The following SEM1 variants were observed in gnomAD, a reference collection of about 807,000 sequenced individuals.
SEM1 encodes SEM1 26S proteasome subunit.
Under a neutral mutation model 12.7 loss-of-function variants are expected in SEM1, and 3 were observed. The ratio of observed to expected loss-of-function variants is 0.24; its 90% CI spans 0.11 to 0.61. The LOEUF (loss-of-function observed/expected upper bound fraction) is 0.61. Ranked by LOEUF, SEM1 falls within the 20% of genes least tolerant of loss-of-function variation. SEM1 has a pLI of 0.88. For synonymous variants in SEM1, 30 were observed against 27.8 expected (o/e 1.08, Z -0.25); for missense variants, 59 against 81.3 (o/e 0.73, Z 1.06).
At chr7:96,585,172 A>G (rs1019186498) in intron 2 of SEM1, among the ~76,000 whole-genome samples, 1 of 152,032 alleles carries the variant, frequency 6.6e-6, no homozygotes, top group Non-Finnish European at 1.5e-5. Flanking sequence ...TCTGTTTGTT[A>G]GTTTTCCTTC....
chr7:96,604,678 G>T (rs1230890705), intron 2 of SEM1, among the ~76,000 whole-genome samples: 1 of 152,008 alleles, frequency 6.6e-6, no homozygotes, highest in East Asian at 1.9e-4. Flanking sequence ...CAGCACTTTT[G>T]GAGGCTGAGG....
At chr7:96,547,998 G>T (rs749139261) in intron 2 of SEM1, among the ~76,000 whole-genome samples, 27 of 151,900 alleles carry the variant, frequency 1.8e-4, no homozygotes, top group Non-Finnish European at 2.8e-4. Flanking sequence ...GAGATGGGGA[G>T]GTACACTGGG....
chr7:96,509,718 C>T (rs187442080), intron 2 of SEM1, among the ~76,000 whole-genome samples: 8 of 152,190 alleles, frequency 5.3e-5, no homozygotes, highest in African/African-American at 7.2e-5. Flanking sequence ...AGCCTTAAAA[C>T]GGAAGAAAAT....
intron 1 of SEM1, among the ~76,000 whole-genome samples, chr7:96,702,946 T>A (rs912835556): frequency 2.6e-5 from 4 of 152,100 alleles, no homozygotes; most frequent in South Asian, 4.1e-4. Flanking sequence ...ATCATTAAAG[T>A]TAAAGACAAA....
At chr7:96,679,723 C>T (rs1475935561) in intron 2 of SEM1, among the ~76,000 whole-genome samples, 1 of 152,118 alleles carries the variant, frequency 6.6e-6, no homozygotes, top group Non-Finnish European at 1.5e-5. Context: ...TTGTGACTCA[C>T]AATCAAGAAG....
At position 96,673,904 on chromosome 7, in the gene SEM1, A is replaced by G. The variant is rs188206039; in HGVS notation, c.171-45T>C. ...TAAGCAAACTTTTAAGTATCAAGCCACTGTGATCTGTGGGCTGCTTGACCA... is the reference window on the plus strand; with the variant it reads ...TAAGCAAACTTTTAAGTATCAAGCCGCTGTGATCTGTGGGCTGCTTGACCA... On this transcript the variant is annotated intron_variant, in intron 2 of 2. Transcript: ENST00000413065. 342 of 757,452 alleles carry G rather than the reference A, an allele frequency of 4.5e-4. 1 individual carries two copies. The African/African-American group carries it at 5.6e-3, about 12-fold the overall frequency. 46.9% of individuals were successfully genotyped at this position (757,452 alleles called of 1,614,324 possible). A position where few individuals can be genotyped will look rare whatever the true frequency, so the allele number is the denominator to read the frequency against.
intron 2 of SEM1, among the ~76,000 whole-genome samples, chr7:96,541,246 G>A (rs931418244): frequency 1.6e-4 from 24 of 151,954 alleles, no homozygotes; most frequent in African/African-American, 5.8e-4. Context: ...AGCCTCGCCA[G>A]CATCTGCTGT....
chr7:96,614,015 A>C (rs1524919), intron 2 of SEM1, among the ~76,000 whole-genome samples: 51,940 of 152,068 alleles, frequency 0.34, 9,138 homozygotes, highest in African/African-American at 0.44. Context: ...CATGGGAGTG[A>C]AGACATCTCT....
chr7:96,656,876 TAC>T (rs71127464), intron 2 of SEM1, among the ~76,000 whole-genome samples: 2 of 139,854 alleles, frequency 1.4e-5, no homozygotes, highest in African/African-American at 5.6e-5. Flanking sequence ...TATATATATA[TAC>T]ACACACACAC....
upstream of SEM1, among the ~76,000 whole-genome samples, chr7:96,499,570 G>A (rs1803434986): frequency 6.6e-6 from 1 of 152,174 alleles, no homozygotes; most frequent in South Asian, 2.1e-4. Flanking sequence ...ATGTGATGCT[G>A]TGCACATTCT....
intron 2 of SEM1, among the ~76,000 whole-genome samples, chr7:96,568,643 ATTGTTT>A (rs1805925837): frequency 6.6e-6 from 1 of 151,620 alleles, no homozygotes; most frequent in Non-Finnish European, 1.5e-5. Context: ...TTCAGTATAT[ATTGTTT>A]TTAGTATGTT....
chr7:96,563,912 T>C (rs931250269), intron 2 of SEM1, among the ~76,000 whole-genome samples: 5 of 152,120 alleles, frequency 3.3e-5, no homozygotes, highest in Admixed American at 2.0e-4. Flanking sequence ...TTCAGTTAGA[T>C]TCATAACTGC....
intron 2 of SEM1, among the ~76,000 whole-genome samples, chr7:96,516,117 A>G (rs2115586760): frequency 6.6e-6 from 1 of 152,266 alleles, no homozygotes; most frequent in South Asian, 2.1e-4. Context: ...TTACAGACCT[A>G]AATGGAAAGT....
At chr7:96,665,148 C>G (rs1584847328) in intron 2 of SEM1, among the ~76,000 whole-genome samples, 1 of 152,128 alleles carries the variant, frequency 6.6e-6, no homozygotes, top group Non-Finnish European at 1.5e-5. Flanking sequence ...TCCTCTACCC[C>G]AGAAAGGCAG....
At chr7:96,562,783 C>T (rs775703944) in intron 2 of SEM1, among the ~76,000 whole-genome samples, 12 of 152,120 alleles carry the variant, frequency 7.9e-5, no homozygotes, top group African/African-American at 1.4e-4. Flanking sequence ...TGAGTTTCAG[C>T]AGATAGGTAG....
chr7:96,624,294 A>G (rs1273044629), intron 2 of SEM1, among the ~76,000 whole-genome samples: 1 of 152,218 alleles, frequency 6.6e-6, no homozygotes, highest in Non-Finnish European at 1.5e-5. Flanking sequence ...TGGTAGATAT[A>G]TGGGAGTACA....
At chr7:96,661,707 G>A (rs904262897) in intron 2 of SEM1, among the ~76,000 whole-genome samples, 3 of 152,158 alleles carry the variant, frequency 2.0e-5, no homozygotes, top group East Asian at 3.9e-4. Flanking sequence ...AAGTCAGGGG[G>A]CCGGGCGTGG....
intron 2 of SEM1, among the ~76,000 whole-genome samples, chr7:96,681,719 C>G (rs1789619095): frequency 1.3e-5 from 2 of 151,978 alleles, no homozygotes. Flanking sequence ...ATTTCTGAGG[C>G]CTCTGTTCTG....
intron 2 of SEM1, among the ~76,000 whole-genome samples, chr7:96,571,690 G>A (rs1325495866): frequency 6.6e-6 from 1 of 151,852 alleles, no homozygotes; most frequent in African/African-American, 2.4e-5. Context: ...GCTGGATTCG[G>A]TTTGCCAATA....
Sources: gnomAD v4.1 joint callset for allele counts (sites outside exome capture counted in the v4.1 genomes callset) on GRCh38, gnomAD v4.1.1 for gene constraint, MANE v1.5 for transcripts, NCBI Gene and HGNC (gene_info 2026-07-23, HGNC 2026-07-21) for gene names.